FLNB: variants seen among roughly 807,000 people sequenced by gnomAD.
FLNB encodes filamin B.
A neutral mutation model predicts 250.6 loss-of-function variants in FLNB; 111 were observed. The ratio of observed to expected loss-of-function variants is 0.44; its 90% CI spans 0.38 to 0.52. The LOEUF (loss-of-function observed/expected upper bound fraction) is 0.52. Ranked by LOEUF, FLNB falls within the 20% of genes least tolerant of loss-of-function variation. FLNB has a pLI of 0.00. For synonymous variants in FLNB, 1,302 were observed against 1,372.1 expected (o/e 0.95, Z 1.13); for missense variants, 2,869 against 3,447.8 (o/e 0.83, Z 4.20).
intron 1 of FLNB, among the ~76,000 whole-genome samples, chr3:58,071,382 G>A (rs1238346022): frequency 2.7e-5 from 4 of 148,958 alleles, no homozygotes; most frequent in African/African-American, 7.5e-5. Flanking sequence ...AGGTTCAAGC[G>A]ATTCTTGTGC....
At chr3:58,042,095 C>A (rs1327143534) in intron 1 of FLNB, among the ~76,000 whole-genome samples, 1 of 152,142 alleles carries the variant, frequency 6.6e-6, no homozygotes, top group East Asian at 1.9e-4. Context: ...ATGAAGCCAC[C>A]TGTGTTTGGT....
Position 58,020,792 on chromosome 3 carries a change from C to T in FLNB, c.292+11936C>T, listed in dbSNP as rs143533082. 1.3e-4 allele frequency among the ~76,000 whole-genome samples: 20 copies of T among 150,740 alleles called. No individual in the cohort carries two copies. The East Asian group carries it at 3.7e-3, about 28-fold the overall frequency. On this transcript the variant is annotated intron_variant, in intron 1 of 45. Transcript: ENST00000295956. ...ACAGGGTGGAATTCTGGCATTCGAA[C>T]TATAGGGAAACGGGTGGGGATTTGT...
chr3:58,077,600 C>G (rs2097203490), intron 2 of FLNB, among the ~76,000 whole-genome samples: 1 of 152,200 alleles, frequency 6.6e-6, no homozygotes. Context: ...AATCCTGTGT[C>G]TTCCCACATT....
At position 58,096,959 on chromosome 3, in the gene FLNB, G is replaced by A. The variant is rs139665694; in HGVS notation, c.984+741G>A. Among the ~76,000 whole-genome samples the A allele has an allele frequency of 2.6e-3, 390 of 152,262 alleles. 3 individuals are homozygous for A. The highest frequency in any genetic ancestry group is 0.024 in the Middle Eastern group (7 of 294). On this transcript the variant is annotated intron_variant, in intron 6 of 45. Coordinates refer to ENST00000295956, the MANE Select transcript of FLNB (RefSeq NM_001457.4). ...ACCTGGAGAAATGATAGGGATTGAG[G>A]CCTCAGGCTCTTTGTCTTGGCAGCC...
chr3:58,143,897 A>T (rs1484308879), intron 32 of FLNB, among the ~76,000 whole-genome samples: 1 of 151,994 alleles, frequency 6.6e-6, no homozygotes, highest in Non-Finnish European at 1.5e-5. Flanking sequence ...AAGCTGGGAG[A>T]AAAATGGGAG....
chr3:58,052,852 T>C (rs2097164576), intron 1 of FLNB, among the ~76,000 whole-genome samples: 1 of 152,200 alleles, frequency 6.6e-6, no homozygotes, highest in African/African-American at 2.4e-5. Flanking sequence ...AAAGCAGCTA[T>C]AGCACTGAAA....
intron 1 of FLNB, among the ~76,000 whole-genome samples, chr3:58,031,493 CG>C (rs1278886594): frequency 2.0e-5 from 3 of 148,786 alleles, no homozygotes; most frequent in South Asian, 4.3e-4. Flanking sequence ...CTGCCTGCCT[CG>C]GCCTCCCAAA....
intron 33 of FLNB, among the ~76,000 whole-genome samples, chr3:58,146,444 A>T (rs895606890): frequency 6.6e-6 from 1 of 152,166 alleles, no homozygotes; most frequent in African/African-American, 2.4e-5. Flanking sequence ...TGTGGTTCTA[A>T]TGGGATTTCC....
intron 19 of FLNB, among the ~76,000 whole-genome samples, chr3:58,120,945 G>A (rs1254478659): frequency 1.3e-5 from 2 of 152,206 alleles, no homozygotes; most frequent in East Asian, 1.9e-4. Context: ...CCATAGGATT[G>A]TGGTGAAAAT....
chr3:58,011,103 T>TG (rs1233156821), intron 1 of FLNB, among the ~76,000 whole-genome samples: 2 of 152,096 alleles, frequency 1.3e-5, no homozygotes, highest in Non-Finnish European at 2.9e-5. Flanking sequence ...TTAGTAGAGA[T>TG]GGGGTTTCAC....
In FLNB at chr3:58,060,769, C is replaced by CAA. The variant is rs71091334; in HGVS notation, c.293-16248_293-16247dup. Among the ~76,000 whole-genome samples, 88 of 64,198 alleles carry CAA rather than the reference C, an allele frequency of 1.4e-3. 1 individual carries two copies. Among genetic ancestry groups the CAA allele is most frequent in the African/African-American group, 2.3e-3 (39 of 17,038 alleles). 42.1% of individuals were successfully genotyped at this position (64,198 alleles called of 152,430 possible). On this transcript the variant is annotated intron_variant, in intron 1 of 45. Transcript: ENST00000295956. ...TGGGCAACAGAGCAAGACCTTGTCTCAAAAAAAAAAAAAAAAAAAAAAAAA... is the reference window on the plus strand; with the variant it reads ...TGGGCAACAGAGCAAGACCTTGTCTCAAAAAAAAAAAAAAAAAAAAAAAAAAA...
chr3:58,039,848 G>T (rs532126840), intron 1 of FLNB, among the ~76,000 whole-genome samples: 52 of 152,174 alleles, frequency 3.4e-4, no homozygotes, highest in African/African-American at 1.2e-3. Context: ...GAAGAGATGC[G>T]CAAAACTAAG....
chr3:58,163,411 G>A, intron 43 of FLNB, 81 bp downstream of exon 43: 1 of 1,484,962 alleles, frequency 6.7e-7, no homozygotes, highest in African/African-American at 1.4e-5. Flanking sequence ...CAAGCCCCAT[G>A]AAAGCTTTTT....
chr3:58,130,088 T>A (rs2097304423), intron 24 of FLNB, among the ~76,000 whole-genome samples: 1 of 152,006 alleles, frequency 6.6e-6, no homozygotes, highest in Admixed American at 6.6e-5. Flanking sequence ...GGTGGCCGAG[T>A]GACCGAGAAG....
At chr3:58,146,549 C>A in intron 33 of FLNB, 2 of 480,488 alleles carry the variant, frequency 4.2e-6, no homozygotes, top group Non-Finnish European at 7.6e-6. Context: ...ACGGCTCCTT[C>A]CTTTTCTCAT....
At chr3:58,161,585 A>G (rs1313726017) in intron 42 of FLNB, among the ~76,000 whole-genome samples, 7 of 152,228 alleles carry the variant, frequency 4.6e-5, no homozygotes, top group Non-Finnish European at 8.8e-5. Context: ...TTGATTGCAA[A>G]TTACAGAATA....
intron 9 of FLNB, 116 bp from the exon 10 acceptor site, chr3:58,103,843 G>A: frequency 7.6e-7 from 1 of 1,310,676 alleles, no homozygotes; most frequent in Non-Finnish European, 1.1e-6. Flanking sequence ...AGCCCACTTG[G>A]TTTTTATGTA....
chr3:58,130,599 G>C lies in FLNB; in HGVS notation c.4223-142G>C, dbSNP rs1013098234. ...TTGACAACAATGAGTAGGCACATGAGCAGTGCACACAGTGAGGCAGGGGGA... is the reference window on the plus strand; with the variant it reads ...TTGACAACAATGAGTAGGCACATGACCAGTGCACACAGTGAGGCAGGGGGA... On this transcript the variant is annotated intron_variant, in intron 24 of 45. Coordinates refer to ENST00000295956, the MANE Select transcript of FLNB (RefSeq NM_001457.4). 4 of 727,882 alleles carry C rather than the reference G, an allele frequency of 5.5e-6. No individual in the cohort carries two copies. In the African/African-American group the frequency reaches 7.0e-5, roughly 13 times the overall value. The allele number at this position is 727,882 out of a possible 1,614,324, so 45.1% of individuals were successfully genotyped here.
At chr3:58,041,990 G>A (rs1039413571) in intron 1 of FLNB, among the ~76,000 whole-genome samples, 4 of 152,144 alleles carry the variant, frequency 2.6e-5, no homozygotes, top group Non-Finnish European at 4.4e-5. Context: ...AGAGATTTTA[G>A]CATTCTTGAA....
Sources: allele counts gnomAD v4.1 joint callset (sites outside exome capture counted in the v4.1 genomes callset), GRCh38; gene constraint gnomAD v4.1.1; transcripts MANE v1.5; gene names NCBI Gene and HGNC (gene_info 2026-07-23, HGNC 2026-07-21).